Variants in PEPD observed in about 807,000 individuals in gnomAD.
PEPD encodes the protein peptidase D.
PEPD carries 53 observed loss-of-function variants against 60.7 expected under a neutral mutation model. The observed-to-expected ratio is 0.87, with a 90% CI of 0.70 to 1.10. PEPD has a LOEUF of 1.10. Ranked by LOEUF, PEPD falls within the 50% of genes least tolerant of loss-of-function variation. PEPD has a pLI of 0.00. For synonymous variants in PEPD, 267 were observed against 284.1 expected (o/e 0.94, Z 0.60); for missense variants, 711 against 711.9 (o/e 1.00, Z 0.01).
intron 9 of PEPD, among the ~76,000 whole-genome samples, chr19:33,444,643 C>T (rs1969557506): frequency 1.3e-5 from 2 of 150,796 alleles, no homozygotes; most frequent in African/African-American, 4.9e-5. Context: ...AGTCTGCCCC[C>T]ATGGTAGCCT....
intron 7 of PEPD, among the ~76,000 whole-genome samples, chr19:33,468,427 C>T (rs1600140367): frequency 6.6e-6 from 1 of 152,256 alleles, no homozygotes; most frequent in African/African-American, 2.4e-5. Context: ...ACCTCTCCTG[C>T]ATCTCCTCTT....
At chr19:33,443,484 A>C (rs1434086925) in intron 9 of PEPD, among the ~76,000 whole-genome samples, 2 of 152,246 alleles carry the variant, frequency 1.3e-5, no homozygotes, top group African/African-American at 4.8e-5. Flanking sequence ...ATGCTTATTT[A>C]TGATTCTATT....
chr19:33,402,693 C>T (rs1968527241), intron 11 of PEPD, among the ~76,000 whole-genome samples: 1 of 152,204 alleles, frequency 6.6e-6, no homozygotes, highest in Non-Finnish European at 1.5e-5. Context: ...TCCACCTGCA[C>T]CCTGGCACCC....
chr19:33,443,809 GTCC>G (rs2145238199), intron 9 of PEPD, among the ~76,000 whole-genome samples: 1 of 152,340 alleles, frequency 6.6e-6, no homozygotes, highest in South Asian at 2.1e-4. Flanking sequence ...CACACAGTGT[GTCC>G]TCAGGCAGGG....
At chr19:33,501,822 C>A (rs1970720112) in intron 3 of PEPD, among the ~76,000 whole-genome samples, 1 of 152,134 alleles carries the variant, frequency 6.6e-6, no homozygotes, top group African/African-American at 2.4e-5. Flanking sequence ...CCTGCCTCAG[C>A]CTCCCGAAGT....
In PEPD at chr19:33,478,091, C is replaced by T. The variant is rs542228812; in HGVS notation, c.504-1G>A. ...AAGAATGGTATTGTTGACTTCGAAC[C>T]TGTAGGGCGAAAAGAAATCAAGCCC... On this transcript the variant is annotated splice_acceptor_variant, in intron 6 of 14. Transcript: ENST00000244137. LOFTEE classifies it high-confidence loss of function. The T allele has an allele frequency of 6.2e-7, 1 of 1,607,406 alleles. No individual in the cohort carries two copies. Among genetic ancestry groups the T allele is most frequent in the Non-Finnish European group, 8.5e-7 (1 of 1,175,220 alleles).
intron 3 of PEPD, 37 bp downstream of exon 3, chr19:33,510,991 T>C (rs567760781): frequency 2.1e-6 from 3 of 1,437,864 alleles, no homozygotes; most frequent in African/African-American, 1.4e-5. Context: ...CAGCCCATGG[T>C]TGGTAGCCAT....
intron 6 of PEPD, among the ~76,000 whole-genome samples, chr19:33,478,537 T>C (rs1222138388): frequency 6.6e-6 from 1 of 151,932 alleles, no homozygotes. Context: ...ATAATCAAAC[T>C]GTCAAAAAAG....
intron 9 of PEPD, among the ~76,000 whole-genome samples, chr19:33,421,441 A>T (rs1969016412): frequency 6.6e-6 from 1 of 152,228 alleles, no homozygotes; most frequent in Non-Finnish European, 1.5e-5. Flanking sequence ...TGTTAAAGCA[A>T]AGAACATTTT....
chr19:33,457,693 G>A (rs1390957426), intron 9 of PEPD, among the ~76,000 whole-genome samples: 1 of 152,220 alleles, frequency 6.6e-6, no homozygotes, highest in East Asian at 1.9e-4. Flanking sequence ...TGTATTTTTA[G>A]TAGAGACGCG....
At chr19:33,507,113 A>G (rs913368575) in intron 3 of PEPD, among the ~76,000 whole-genome samples, 4 of 151,688 alleles carry the variant, frequency 2.6e-5, no homozygotes, top group African/African-American at 9.7e-5. Context: ...TCCATCTCTC[A>G]CACAAGATGT....
chr19:33,508,981 T>C (rs901914903), intron 3 of PEPD, among the ~76,000 whole-genome samples: 1 of 152,126 alleles, frequency 6.6e-6, no homozygotes, highest in African/African-American at 2.4e-5. Flanking sequence ...GCCCCAAACA[T>C]GACCAGACCC....
At chr19:33,470,753 A>G (rs796350563) in intron 7 of PEPD, among the ~76,000 whole-genome samples, 10 of 152,236 alleles carry the variant, frequency 6.6e-5, no homozygotes, top group African/African-American at 2.4e-4. Context: ...GCCTCATTTC[A>G]AAGAGAAAAG....
chr19:33,393,083 C>G (rs970330564), intron 12 of PEPD, among the ~76,000 whole-genome samples: 1 of 151,712 alleles, frequency 6.6e-6, no homozygotes, highest in Non-Finnish European at 1.5e-5. Flanking sequence ...CCCCACCCCC[C>G]ACACAGAGCA....
At chr19:33,489,336 GA>G (rs1247325468) in intron 6 of PEPD, among the ~76,000 whole-genome samples, 2 of 152,150 alleles carry the variant, frequency 1.3e-5, no homozygotes, top group African/African-American at 4.8e-5. Context: ...GGGACTAAGA[GA>G]GGGGGCTTGG....
At chr19:33,420,105 T>C (rs1432342079) in intron 9 of PEPD, among the ~76,000 whole-genome samples, 1 of 152,250 alleles carries the variant, frequency 6.6e-6, no homozygotes. Context: ...TGACATTCAA[T>C]TAACAAATCT....
chr19:33,402,964 T>G (rs1240744817), intron 11 of PEPD, among the ~76,000 whole-genome samples: 1 of 152,160 alleles, frequency 6.6e-6, no homozygotes, highest in East Asian at 1.9e-4. Flanking sequence ...GGCCTGTCCT[T>G]GCTGTGCAAA....
intron 1 of PEPD, among the ~76,000 whole-genome samples, chr19:33,516,123 C>T (rs1971018296): frequency 1.3e-5 from 2 of 152,076 alleles, no homozygotes; most frequent in South Asian, 4.1e-4. Context: ...ATGCTACAGT[C>T]ATTAATTACA....
At chr19:33,462,618 C>A (rs910725032) in intron 9 of PEPD, among the ~76,000 whole-genome samples, 1 of 152,142 alleles carries the variant, frequency 6.6e-6, no homozygotes, top group African/African-American at 2.4e-5. Context: ...CCCAGTCGCC[C>A]GAGCACAGCA....
Sources: gnomAD v4.1 joint callset for allele counts (sites outside exome capture counted in the v4.1 genomes callset) on GRCh38, gnomAD v4.1.1 for gene constraint, MANE v1.5 for transcripts, NCBI Gene and HGNC (gene_info 2026-07-23, HGNC 2026-07-21) for gene names.